Variants in CPQ observed in about 807,000 individuals in gnomAD.
CPQ encodes Ser-Met dipeptidase.
A neutral mutation model predicts 45.7 loss-of-function variants in CPQ; 37 were observed. The observed-to-expected ratio is 0.81, with a 90% CI of 0.62 to 1.07. CPQ has a LOEUF of 1.07. CPQ is among the 50% of genes least tolerant of loss of function. The pLI, the probability that CPQ is intolerant of heterozygous loss-of-function variation, is 0.00. For missense variants in CPQ, 537 were observed against 572.9 expected (o/e 0.94, Z 0.64); for synonymous variants, 186 against 205.8 (o/e 0.90, Z 0.82).
At chr8:96,965,906 AT>A (rs764888520) in intron 4 of CPQ, 28 bp from the exon 5 acceptor site, 2 of 1,447,612 alleles carry the variant, frequency 1.4e-6, no homozygotes, top group Non-Finnish European at 1.9e-6. Flanking sequence ...GCTTAGTTTT[AT>A]TTTTTAACTT....
intron 1 of CPQ, among the ~76,000 whole-genome samples, chr8:96,777,969 C>G (rs1810638414): frequency 6.6e-6 from 1 of 150,440 alleles, no homozygotes; most frequent in South Asian, 2.1e-4. Flanking sequence ...ACTTTGTGAT[C>G]CGCATGCCTT....
intron 5 of CPQ, among the ~76,000 whole-genome samples, chr8:96,970,689 G>C (rs905993477): frequency 6.6e-6 from 1 of 151,422 alleles, no homozygotes; most frequent in Non-Finnish European, 1.5e-5. Flanking sequence ...TCAGCCTCAC[G>C]AGTAGCTGGG....
intron 5 of CPQ, among the ~76,000 whole-genome samples, chr8:96,981,788 C>T (rs1227961636): frequency 6.6e-6 from 1 of 152,108 alleles, no homozygotes; most frequent in African/African-American, 2.4e-5. Flanking sequence ...ATTAATTGAA[C>T]ACCTGGGAGA....
intron 7 of CPQ, among the ~76,000 whole-genome samples, chr8:97,082,720 G>A (rs1810971575): frequency 6.6e-6 from 1 of 152,128 alleles, no homozygotes; most frequent in Non-Finnish European, 1.5e-5. Context: ...CAAATGAGGA[G>A]TTGAATCACT....
chr8:96,931,052 G>A (rs1289397729), intron 4 of CPQ, among the ~76,000 whole-genome samples: 2 of 152,142 alleles, frequency 1.3e-5, no homozygotes, highest in African/African-American at 2.4e-5. Context: ...CACACTGAAG[G>A]CCACATTGAC....
At chr8:96,925,550 T>C (rs1439390883) in intron 4 of CPQ, among the ~76,000 whole-genome samples, 2 of 152,014 alleles carry the variant, frequency 1.3e-5, no homozygotes, top group Admixed American at 1.3e-4. Flanking sequence ...ACCCAGCTAA[T>C]ATTTGTATTT....
chr8:97,065,014 G>C (rs917140564), intron 6 of CPQ, among the ~76,000 whole-genome samples: 2 of 152,168 alleles, frequency 1.3e-5, no homozygotes, highest in African/African-American at 4.8e-5. Flanking sequence ...CACCAAAGGA[G>C]ATTGCAAATG....
At chr8:96,730,866 C>CATACATATATATAT (rs56216136) in intron 1 of CPQ, among the ~76,000 whole-genome samples, 894 of 68,602 alleles carry the variant, frequency 0.013, 34 homozygotes, top group Middle Eastern at 0.041. Flanking sequence ...ACCATACATA[C>CATACATATATATAT]ATATATATAT....
chr8:96,899,790 GA>G (rs1197946792), intron 4 of CPQ, among the ~76,000 whole-genome samples: 2 of 152,052 alleles, frequency 1.3e-5, no homozygotes, highest in Non-Finnish European at 2.9e-5. Flanking sequence ...GATAAATATC[GA>G]AACTATATTA....
rs1010584144 is a variant in CPQ, at chr8:96,681,972, C to A, written c.-35+36570C>A. On this transcript the variant is annotated intron_variant, in intron 1 of 7. Transcript: ENST00000220763. ...GACTGTATTTACCCAATGCTTGTAC[C>A]CCCATTGTATCTAGGAAGTAACTAA... 3.3e-5 allele frequency among the ~76,000 whole-genome samples: 5 copies of A among 152,280 alleles called. No individual in the cohort carries two copies. The East Asian group carries it at 5.8e-4, about 18-fold the overall frequency.
rs183749972 is a variant in CPQ, at chr8:96,922,613, A to G, written c.849+42608A>G. On this transcript the variant is annotated intron_variant, in intron 4 of 7. Transcript: ENST00000220763. ...TTTCCTGCTCTTCACTACCCCATAT[A>G]ATAAGTTTTGTTTTGTTTGAAAGGA... 1.5e-4 allele frequency among the ~76,000 whole-genome samples: 23 copies of G among 152,284 alleles called. No homozygotes were observed. In the East Asian group the frequency reaches 2.9e-3, roughly 19 times the overall value.
rs549576541 is a variant in CPQ, at chr8:97,131,896, C to T, written c.1256-11124C>T. On this transcript the variant is annotated intron_variant, in intron 7 of 7. Coordinates refer to ENST00000220763, the MANE Select transcript of CPQ (RefSeq NM_016134.4). ...GTAAGTGGATCTGCTTATAGAGAAA[C>T]ACCTGTTGCTTCTGTTTTTTGTCTC... 1.1e-4 allele frequency among the ~76,000 whole-genome samples: 16 copies of T among 152,112 alleles called. No homozygotes were observed. The South Asian group carries it at 2.3e-3, about 22-fold the overall frequency.
chr8:97,132,858 C>T (rs892976591), intron 7 of CPQ: 2 of 152,146 alleles, frequency 1.3e-5, no homozygotes, highest in East Asian at 1.9e-4. Context: ...ACTTTATTGA[C>T]GTCAGACCAT....
intron 1 of CPQ, among the ~76,000 whole-genome samples, chr8:96,740,583 G>A (rs1165656675): frequency 6.7e-6 from 1 of 149,666 alleles, no homozygotes; most frequent in African/African-American, 2.5e-5. Context: ...CATTCAGTAT[G>A]ATATTGGCTG....
At chr8:96,649,267 GT>G (rs1815551913) in intron 1 of CPQ, among the ~76,000 whole-genome samples, 1 of 152,250 alleles carries the variant, frequency 6.6e-6, no homozygotes, top group Non-Finnish European at 1.5e-5. Flanking sequence ...ATGAGCCACT[GT>G]GCCTGGCTCT....
At chr8:96,860,990 T>C (rs777004851) in intron 3 of CPQ, among the ~76,000 whole-genome samples, 16 of 152,156 alleles carry the variant, frequency 1.1e-4, no homozygotes, top group Non-Finnish European at 1.8e-4. Context: ...TTTAACTCTT[T>C]GAAATATAAC....
chr8:97,107,169 T>C (rs573150388), intron 7 of CPQ, among the ~76,000 whole-genome samples: 16 of 152,360 alleles, frequency 1.1e-4, no homozygotes, highest in African/African-American at 3.8e-4. Flanking sequence ...GAGGCCTATA[T>C]ACAATATTTG....
At chr8:96,691,583 A>T (rs1412959724) in intron 1 of CPQ, among the ~76,000 whole-genome samples, 1 of 152,140 alleles carries the variant, frequency 6.6e-6, no homozygotes, top group Non-Finnish European at 1.5e-5. Flanking sequence ...CAGAGTATTG[A>T]CTATCTTTTC....
intron 6 of CPQ, among the ~76,000 whole-genome samples, chr8:97,045,074 T>C (rs1023957818): frequency 9.2e-5 from 14 of 152,230 alleles, no homozygotes; most frequent in African/African-American, 3.1e-4. Context: ...TGTTTGTCTG[T>C]GCCCTGCCCC....
Sources: allele counts gnomAD v4.1 joint callset (sites outside exome capture counted in the v4.1 genomes callset), GRCh38; gene constraint gnomAD v4.1.1; transcripts MANE v1.5; gene names NCBI Gene and HGNC (gene_info 2026-07-23, HGNC 2026-07-21).